Variants in RARB observed in about 807,000 individuals in gnomAD.
RARB encodes the protein HBV-activated protein.
Under a neutral mutation model 51.9 loss-of-function variants are expected in RARB, and 17 were observed. The observed-to-expected ratio is 0.33, with a 90% CI of 0.22 to 0.49. The LOEUF (loss-of-function observed/expected upper bound fraction) is 0.49, where lower values mean the gene tolerates loss of function less well. RARB is among the 20% of genes least tolerant of loss of function. The probability of loss-of-function intolerance (pLI) is 0.99; values close to 1 mark genes in which losing one functional copy is unlikely to be tolerated. For missense variants in RARB, 369 were observed against 550.8 expected, an observed-to-expected ratio of 0.67 and a Z score of 3.30; for synonymous variants, 215 against 195.4, an observed-to-expected ratio of 1.10 and a Z score of -0.84.
At chr3:24,966,146 C>T (rs1225943845) in intron 2 of RARB, among the ~76,000 whole-genome samples, 1 of 150,994 alleles carries the variant, frequency 6.6e-6, no homozygotes, top group Non-Finnish European at 1.5e-5. Flanking sequence ...TTTTCTTTGG[C>T]ACTGACCTTT....
chr3:24,833,882 C>T (rs939733411), intron 1 of RARB, among the ~76,000 whole-genome samples: 1 of 152,234 alleles, frequency 6.6e-6, no homozygotes, highest in African/African-American at 2.4e-5. Context: ...ACTAATACCC[C>T]TGCTCATATC....
chr3:25,109,004 T>C (rs562105776), intron 3 of RARB, among the ~76,000 whole-genome samples: 6 of 152,296 alleles, frequency 3.9e-5, no homozygotes, highest in African/African-American at 1.4e-4. Flanking sequence ...ATTGTATCCC[T>C]GCATTGCCAC....
At chr3:24,970,577 ACACAC>A (rs1696375221) in intron 2 of RARB, among the ~76,000 whole-genome samples, 3 of 15,126 alleles carry the variant, frequency 2.0e-4, no homozygotes, top group Non-Finnish European at 3.1e-4. Context: ...TCATGTAAAC[ACACAC>A]ACACACACAC....
intron 2 of RARB, among the ~76,000 whole-genome samples, chr3:25,012,554 C>T (rs994689360): frequency 3.9e-5 from 6 of 152,072 alleles, no homozygotes; most frequent in Admixed American, 1.3e-4. Context: ...TCAGTTTTAC[C>T]GTCTTATTAC....
chr3:24,952,210 TAAACA>T (rs1277233782), intron 2 of RARB, among the ~76,000 whole-genome samples: 1 of 151,550 alleles, frequency 6.6e-6, no homozygotes, highest in Admixed American at 6.6e-5. Flanking sequence ...CCTGTCTATT[TAAACA>T]AAACAAACAA....
intron 1 of RARB, among the ~76,000 whole-genome samples, chr3:24,851,568 A>T (rs1702556854): frequency 6.6e-6 from 1 of 152,220 alleles, no homozygotes; most frequent in Admixed American, 6.5e-5. Context: ...ATGAAACATC[A>T]ATACTCTTCA....
At chr3:25,515,078 ACT>A (rs1698090431) in intron 3 of RARB, among the ~76,000 whole-genome samples, 1 of 152,092 alleles carries the variant, frequency 6.6e-6, no homozygotes, top group South Asian at 2.1e-4. Flanking sequence ...GGCTGAGGAA[ACT>A]CTTGGAGATG....
intron 2 of RARB, among the ~76,000 whole-genome samples, chr3:24,993,540 C>T (rs1389390058): frequency 6.6e-6 from 1 of 152,044 alleles, no homozygotes; most frequent in Non-Finnish European, 1.5e-5. Flanking sequence ...TCGATATTCT[C>T]CTTCTGGCTA....
intron 5 of RARB, among the ~76,000 whole-genome samples, chr3:25,386,020 CA>C (rs1345220016): frequency 6.6e-6 from 1 of 152,174 alleles, no homozygotes; most frequent in Non-Finnish European, 1.5e-5. Context: ...GGATCCAGCA[CA>C]TTTCCTCTTT....
intron 2 of RARB, among the ~76,000 whole-genome samples, chr3:24,938,122 A>C (rs1695583786): frequency 6.6e-6 from 1 of 152,182 alleles, no homozygotes; most frequent in South Asian, 2.1e-4. Context: ...GAGGTGATCA[A>C]GGTTAACCTT....
intron 2 of RARB, among the ~76,000 whole-genome samples, chr3:24,950,003 C>A (rs1293751573): frequency 1.3e-5 from 2 of 152,146 alleles, no homozygotes; most frequent in South Asian, 2.1e-4. Flanking sequence ...ATAGCAGTTG[C>A]AACAATGTGT....
At chr3:25,562,883 T>G (rs1267285580) in intron 3 of RARB, among the ~76,000 whole-genome samples, 5 of 152,220 alleles carry the variant, frequency 3.3e-5, no homozygotes, top group Non-Finnish European at 5.9e-5. Context: ...GAGGGAAATA[T>G]GATTAAATTT....
chr3:25,578,072 C>T (rs773006935), intron 4 of RARB, among the ~76,000 whole-genome samples: 3 of 152,248 alleles, frequency 2.0e-5, no homozygotes, highest in Non-Finnish European at 4.4e-5. Context: ...ACCCCACTTT[C>T]TGCTTCTCCT....
At chr3:25,499,880 A>G (rs1406575) in intron 2 of RARB, among the ~76,000 whole-genome samples, 67,504 of 152,060 alleles carry the variant, frequency 0.44, 16,268 homozygotes, top group African/African-American at 0.63. Flanking sequence ...ATTTGGGGTT[A>G]TTGTTCATCT....
intron 2 of RARB, among the ~76,000 whole-genome samples, chr3:24,876,245 T>C (rs1341945074): frequency 6.6e-6 from 1 of 152,178 alleles, no homozygotes; most frequent in East Asian, 1.9e-4. Context: ...ACTATGTAAA[T>C]ATCCTGAATC....
intron 2 of RARB, among the ~76,000 whole-genome samples, chr3:25,054,846 G>A (rs1285462750): frequency 1.3e-5 from 2 of 152,190 alleles, no homozygotes; most frequent in Non-Finnish European, 2.9e-5. Context: ...GGAGCTGAGA[G>A]TTATTGAGCT....
chr3:25,485,150 A>G (rs755439048), intron 2 of RARB, among the ~76,000 whole-genome samples: 1 of 152,204 alleles, frequency 6.6e-6, no homozygotes, highest in Non-Finnish European at 1.5e-5. Context: ...GGAATATTCT[A>G]TTTGTGTTAA....
At chr3:24,943,097 C>T (rs181702841) in intron 2 of RARB, among the ~76,000 whole-genome samples, 10 of 152,184 alleles carry the variant, frequency 6.6e-5, no homozygotes, top group Non-Finnish European at 1.3e-4. Flanking sequence ...TGAATGACAC[C>T]AAGACAGTTT....
intron 3 of RARB, among the ~76,000 whole-genome samples, chr3:25,505,810 G>C (rs1697554474): frequency 6.6e-6 from 1 of 152,068 alleles, no homozygotes; most frequent in African/African-American, 2.4e-5. Context: ...AATGATGTCA[G>C]AAGAGGAAAG....
Sources: gnomAD v4.1 joint callset for allele counts (sites outside exome capture counted in the v4.1 genomes callset) on GRCh38, gnomAD v4.1.1 for gene constraint, MANE v1.5 for transcripts, NCBI Gene and HGNC (gene_info 2026-07-23, HGNC 2026-07-21) for gene names.